The following MAGI2 variants were observed in gnomAD, a reference collection of about 807,000 sequenced individuals.
The protein encoded by MAGI2 is membrane associated guanylate kinase, WW and PDZ domain containing 2.
In MAGI2, 35 loss-of-function variants were observed where a neutral mutation model predicts 133.3. The observed-to-expected ratio is 0.26, with a 90% confidence interval of 0.20 to 0.35. The LOEUF (loss-of-function observed/expected upper bound fraction) is 0.35, where lower values mean the gene tolerates loss of function less well. MAGI2 is among the 10% of genes least tolerant of loss of function. The probability of loss-of-function intolerance (pLI) is 1.00; values close to 1 mark genes in which losing one functional copy is unlikely to be tolerated. For missense variants in MAGI2, 1,636 were observed against 1,863.4 expected (o/e 0.88, Z 2.25); for synonymous variants, 729 against 710.6 (o/e 1.03, Z -0.41).
chr7:79,058,102 G>T (rs890332639), intron 1 of MAGI2, among the ~76,000 whole-genome samples: 27 of 143,152 alleles, frequency 1.9e-4, no homozygotes, highest in Admixed American at 6.2e-4. Context: ...TGGTGGAGAG[G>T]GGGGAAGAAG....
At chr7:78,758,892 G>C (rs574645368) in intron 2 of MAGI2, among the ~76,000 whole-genome samples, 1 of 151,954 alleles carries the variant, frequency 6.6e-6, no homozygotes, top group African/African-American at 2.4e-5. Flanking sequence ...CCATATATTC[G>C]CATTACTCTG....
In MAGI2 at chr7:79,309,049, T is replaced by C. The variant is rs537752102; in HGVS notation, c.301+143971A>G. Among the ~76,000 whole-genome samples the C allele has an allele frequency of 5.9e-5, 9 of 152,274 alleles. No individual in the cohort carries two copies. In the South Asian group the frequency reaches 1.9e-3, roughly 32 times the overall value. On this transcript the variant is annotated intron_variant, in intron 1 of 21. Transcript: ENST00000354212. ...ATTCCCACCTATCCTCTTTGTTCTC[T>C]CTTCTACCTTTAAAATTACTGAAGT... is the stretch of plus-strand genomic sequence containing the variant.
intron 2 of MAGI2, among the ~76,000 whole-genome samples, chr7:78,780,433 C>T (rs150389529): frequency 2.1e-4 from 32 of 152,334 alleles, no homozygotes; most frequent in Non-Finnish European, 3.1e-4. Flanking sequence ...ACATTTTCCT[C>T]ATTAGTAACA....
At chr7:78,573,033 A>ATGTG (rs1422217437) in intron 3 of MAGI2, among the ~76,000 whole-genome samples, 4 of 48,212 alleles carry the variant, frequency 8.3e-5, no homozygotes, top group Non-Finnish European at 1.4e-4. Flanking sequence ...ATGCATATGT[A>ATGTG]TGTATATATA....
At chr7:78,859,361 G>T (rs968505734) in intron 2 of MAGI2, among the ~76,000 whole-genome samples, 3 of 151,966 alleles carry the variant, frequency 2.0e-5, no homozygotes, top group Non-Finnish European at 4.4e-5. Context: ...TTGGCATGTT[G>T]TTGCAGTGGC....
At chr7:79,288,943 G>C (rs1339037240) in intron 1 of MAGI2, among the ~76,000 whole-genome samples, 1 of 151,972 alleles carries the variant, frequency 6.6e-6, no homozygotes, top group African/African-American at 2.4e-5. Flanking sequence ...GCTAGACTTG[G>C]GCTTTTCTCT....
intron 1 of MAGI2, chr7:79,140,008 C>A (rs564921939): frequency 1.2e-4 from 19 of 152,264 alleles, no homozygotes; most frequent in African/African-American, 4.6e-4. Context: ...CACTTGGGAG[C>A]CAGCAGCTTT....
intron 20 of MAGI2, among the ~76,000 whole-genome samples, chr7:78,123,538 A>C (rs377353273): frequency 6.6e-6 from 1 of 152,334 alleles, no homozygotes; most frequent in East Asian, 1.9e-4. Context: ...GAACACGGGC[A>C]GTGCGATACC....
At position 79,168,885 on chromosome 7, in the gene MAGI2, GATAGATATATATATATATATAT is replaced by G. The variant is rs1197393744; in HGVS notation, c.302-161701_302-161680del. On this transcript the variant is annotated intron_variant, in intron 1 of 21. Transcript: ENST00000354212. ...TGTCTGCCAGGTTTTTCTTTCTAAA[GATAGATATATATATATATATAT>G]ATATATATATATATATATATATATA... Among the ~76,000 whole-genome samples the G allele has an allele frequency of 4.6e-4, 64 of 138,854 alleles. 1 individual carries two copies. The highest frequency in any genetic ancestry group is 1.8e-3 in the African/African-American group (62 of 34,470). 91.1% of individuals were successfully genotyped at this position (138,854 alleles called of 152,430 possible).
At chr7:78,373,238 T>G (rs1382749006) in intron 6 of MAGI2, among the ~76,000 whole-genome samples, 2 of 152,138 alleles carry the variant, frequency 1.3e-5, no homozygotes, top group Non-Finnish European at 2.9e-5. Context: ...AAAAACTGAC[T>G]GGGATATTAC....
chr7:79,400,025 GAA>G (rs994222324), intron 1 of MAGI2, among the ~76,000 whole-genome samples: 10 of 152,180 alleles, frequency 6.6e-5, no homozygotes, highest in Admixed American at 1.3e-4. Context: ...GGCTGTCAGA[GAA>G]AATAGAAATT....
chr7:78,967,585 G>A (rs1803433218), intron 2 of MAGI2, among the ~76,000 whole-genome samples: 1 of 151,528 alleles, frequency 6.6e-6, no homozygotes, highest in African/African-American at 2.4e-5. Context: ...CAGGTCTTAT[G>A]TTTAAGTCTT....
intron 6 of MAGI2, among the ~76,000 whole-genome samples, chr7:78,392,327 C>A (rs890274797): frequency 2.0e-5 from 3 of 152,008 alleles, no homozygotes; most frequent in East Asian, 1.9e-4. Flanking sequence ...GAAGTGGGGG[C>A]TGTTAGGGGA....
At chr7:78,717,844 G>GT (rs1190505139) in intron 2 of MAGI2, among the ~76,000 whole-genome samples, 3 of 152,136 alleles carry the variant, frequency 2.0e-5, no homozygotes, top group African/African-American at 7.2e-5. Context: ...GACAATAGCA[G>GT]TACTAGTATA....
intron 2 of MAGI2, among the ~76,000 whole-genome samples, chr7:79,000,601 T>C (rs922757212): frequency 6.6e-6 from 1 of 152,222 alleles, no homozygotes; most frequent in Non-Finnish European, 1.5e-5. Flanking sequence ...GCTGACTCCT[T>C]GCATAGCTAT....
chr7:78,574,935 G>C lies in MAGI2; in HGVS notation c.538+52185C>G, dbSNP rs1802112361. Among the ~76,000 whole-genome samples the C allele has an allele frequency of 2.0e-5, 3 of 152,162 alleles. 1 individual carries two copies. In the South Asian group the frequency reaches 6.2e-4, roughly 32 times the overall value. ...ATCTTTAGAAAATATTCAAGACCAT[G>C]CTTAAATTCCACTTTCTCTACCATG... On this transcript the variant is annotated intron_variant, in intron 3 of 21. Transcript: ENST00000354212.
chr7:79,103,498 A>G (rs1355295629), intron 1 of MAGI2, among the ~76,000 whole-genome samples: 1 of 152,086 alleles, frequency 6.6e-6, no homozygotes, highest in Non-Finnish European at 1.5e-5. Context: ...ATCCAGCATA[A>G]TAATAAAAAT....
At chr7:79,206,941 A>G (rs1585201399) in intron 1 of MAGI2, among the ~76,000 whole-genome samples, 1 of 152,000 alleles carries the variant, frequency 6.6e-6, no homozygotes, top group African/African-American at 2.4e-5. Context: ...GAAACAACAC[A>G]TAAACAGAAT....
intron 1 of MAGI2, among the ~76,000 whole-genome samples, chr7:79,113,755 G>A (rs151179356): frequency 1.6e-3 from 241 of 151,992 alleles, no homozygotes; most frequent in African/African-American, 5.3e-3. Flanking sequence ...TGAAGATTGC[G>A]TGTATTCTGC....
Sources: allele counts gnomAD v4.1 joint callset (sites outside exome capture counted in the v4.1 genomes callset), GRCh38; gene constraint gnomAD v4.1.1; transcripts MANE v1.5; gene names NCBI Gene and HGNC (gene_info 2026-07-23, HGNC 2026-07-21).